Variants in KCNMB2 observed in about 807,000 individuals in gnomAD.
The protein encoded by KCNMB2 is potassium calcium-activated channel subfamily M regulatory beta subunit 2.
KCNMB2 carries 9 observed loss-of-function variants against 24.5 expected under a neutral mutation model. That is an observed-to-expected ratio of 0.37 (90% CI 0.22 to 0.64). The LOEUF is 0.64. Ranked by LOEUF, KCNMB2 falls within the 30% of genes least tolerant of loss-of-function variation. The probability of loss-of-function intolerance (pLI) is 0.63; values close to 1 mark genes in which losing one functional copy is unlikely to be tolerated. For missense variants in KCNMB2, 226 were observed against 284.3 expected, an observed-to-expected ratio of 0.79 and a Z score of 1.47; for synonymous variants, 109 against 104.4, an observed-to-expected ratio of 1.04 and a Z score of -0.27.
chr3:178,758,221 T>A (rs1724264620), intron 1 of KCNMB2, among the ~76,000 whole-genome samples: 1 of 57,542 alleles, frequency 1.7e-5, no homozygotes, highest in South Asian at 6.8e-4. Context: ...AGGGGATATA[T>A]ATATATATAT....
intron 1 of KCNMB2, among the ~76,000 whole-genome samples, chr3:178,695,051 C>T (rs1427010564): frequency 6.6e-6 from 1 of 152,256 alleles, no homozygotes; most frequent in Non-Finnish European, 1.5e-5. Flanking sequence ...CATTTCTATA[C>T]GTCCTCTGAA....
At chr3:178,614,248 TA>T (rs1718602755) in intron 1 of KCNMB2, among the ~76,000 whole-genome samples, 37 of 3,118 alleles carry the variant, frequency 0.012, 1 homozygote, top group Middle Eastern at 0.2. Flanking sequence ...GGGCTAATTT[TA>T]TATATATATA....
At chr3:178,723,568 A>T (rs1362351928) in intron 1 of KCNMB2, among the ~76,000 whole-genome samples, 2 of 152,038 alleles carry the variant, frequency 1.3e-5, no homozygotes, top group Non-Finnish European at 1.5e-5. Flanking sequence ...GAAGTTGGGG[A>T]TTCTAAGGAT....
chr3:178,696,855 C>CCAAACTACTTAA (rs1172473068), intron 1 of KCNMB2, among the ~76,000 whole-genome samples: 2 of 151,906 alleles, frequency 1.3e-5, no homozygotes, highest in African/African-American at 2.4e-5. Context: ...ATTACTTTTA[C>CCAAACTACTTAA]CAAATAGTAA....
At position 178,672,300 on chromosome 3, in the gene KCNMB2, C is replaced by A. The variant is rs574169548; in HGVS notation, c.-67-135043C>A. 2.0e-5 allele frequency among the ~76,000 whole-genome samples: 3 copies of A among 152,262 alleles called. No individual in the cohort carries two copies. The South Asian group carries it at 6.2e-4, about 32-fold the overall frequency. ...TGCAGGAGGTAGTAGGGGGTAATGT[C>A]CCCATCTTACAGACAAGGAAATGGC... On this transcript the variant is annotated intron_variant, in intron 1 of 4. Transcript: ENST00000452583.
chr3:178,556,705 G>A (rs895546687), intron 1 of KCNMB2, among the ~76,000 whole-genome samples: 17 of 152,042 alleles, frequency 1.1e-4, no homozygotes, highest in Non-Finnish European at 1.9e-4. Context: ...TCGCCCTGCC[G>A]ACACATACTT....
At chr3:178,621,758 A>C (rs946915812) in intron 1 of KCNMB2, among the ~76,000 whole-genome samples, 5 of 152,368 alleles carry the variant, frequency 3.3e-5, no homozygotes, top group African/African-American at 1.2e-4. Context: ...AAAAAAACAC[A>C]TAAGTAGACA....
chr3:178,688,836 G>A, intron 1 of KCNMB2, among the ~76,000 whole-genome samples: 1 of 152,194 alleles, frequency 6.6e-6, no homozygotes, highest in Middle Eastern at 3.4e-3. Flanking sequence ...CTTAACTAAA[G>A]GTGGTAAACG....
Position 178,539,565 on chromosome 3 carries a change from T to C in KCNMB2, c.-68+2854T>C, listed in dbSNP as rs553537456. ...GTCTTCACCTCAAATTCCAAAGTCATTTGCTTGTCTAAGCACAACTGATTA... is the reference window on the plus strand; with the variant it reads ...GTCTTCACCTCAAATTCCAAAGTCACTTGCTTGTCTAAGCACAACTGATTA... On this transcript the variant is annotated intron_variant, in intron 1 of 4. Coordinates refer to ENST00000452583, the MANE Select transcript of KCNMB2 (RefSeq NM_181361.3). 3.3e-5 allele frequency among the ~76,000 whole-genome samples: 5 copies of C among 152,284 alleles called. No homozygotes were observed. In the South Asian group the frequency reaches 1.0e-3, roughly 32 times the overall value.
At chr3:178,794,972 C>T (rs1218303364) in intron 1 of KCNMB2, among the ~76,000 whole-genome samples, 2 of 152,092 alleles carry the variant, frequency 1.3e-5, no homozygotes, top group Non-Finnish European at 2.9e-5. Context: ...GTGTAAAAAA[C>T]AGTTGCAAAA....
At chr3:178,644,874 A>C (rs1719861811) in intron 1 of KCNMB2, among the ~76,000 whole-genome samples, 3 of 152,148 alleles carry the variant, frequency 2.0e-5, no homozygotes, top group African/African-American at 7.2e-5. Flanking sequence ...CCTATAAAAT[A>C]GGGATAAGAA....
intron 1 of KCNMB2, among the ~76,000 whole-genome samples, chr3:178,755,503 C>T (rs554576811): frequency 1.3e-5 from 2 of 152,166 alleles, no homozygotes; most frequent in South Asian, 2.1e-4. Context: ...TACTTTTAAC[C>T]TCTGTGGGAC....
At chr3:178,591,932 CT>C (rs1717689915) in intron 1 of KCNMB2, among the ~76,000 whole-genome samples, 1 of 152,016 alleles carries the variant, frequency 6.6e-6, no homozygotes, top group Non-Finnish European at 1.5e-5. Context: ...CTATATAAAA[CT>C]TTGTTTGAAA....
chr3:178,586,538 C>CGTTTTTT (rs1313147122), intron 1 of KCNMB2, among the ~76,000 whole-genome samples: 1 of 68,502 alleles, frequency 1.5e-5, no homozygotes, highest in African/African-American at 5.7e-5. Flanking sequence ...TTTTTTCTTT[C>CGTTTTTT]TTTTTTTTTT....
intron 1 of KCNMB2, among the ~76,000 whole-genome samples, chr3:178,726,301 T>G (rs1315071867): frequency 1.3e-5 from 2 of 151,968 alleles, no homozygotes. Context: ...AACTTCTACT[T>G]TCAACCATCA....
intron 1 of KCNMB2, among the ~76,000 whole-genome samples, chr3:178,692,783 A>C (rs1721729204): frequency 6.6e-6 from 1 of 152,192 alleles, no homozygotes; most frequent in African/African-American, 2.4e-5. Flanking sequence ...TAGTTATATG[A>C]AGAATCTCAA....
rs529541042 is a variant in KCNMB2 at position 178,696,246 on chromosome 3, T to C, written c.-67-111097T>C. Among the ~76,000 whole-genome samples the C allele has an allele frequency of 2.1e-4, 32 of 152,330 alleles. No individual in the cohort carries two copies. The South Asian group carries it at 6.4e-3, about 31-fold the overall frequency. On this transcript the variant is annotated intron_variant, in intron 1 of 4. Transcript: ENST00000452583. ...TCCTTATGATTTAATTATCTCCACCTGGCCCCTCCCATGACCTGTGGGGAT... is the reference window on the plus strand; with the variant it reads ...TCCTTATGATTTAATTATCTCCACCCGGCCCCTCCCATGACCTGTGGGGAT...
chr3:178,616,086 C>A (rs1718694714), intron 1 of KCNMB2, among the ~76,000 whole-genome samples: 1 of 151,952 alleles, frequency 6.6e-6, no homozygotes, highest in Non-Finnish European at 1.5e-5. Flanking sequence ...TCTCCACAAG[C>A]AGAAAGAAGG....
intron 1 of KCNMB2, among the ~76,000 whole-genome samples, chr3:178,674,274 A>G (rs1376057909): frequency 6.6e-6 from 1 of 151,886 alleles, no homozygotes; most frequent in Non-Finnish European, 1.5e-5. Context: ...ACAACTTTTT[A>G]TATTTCTACT....
Sources: gnomAD v4.1 joint callset for allele counts (sites outside exome capture counted in the v4.1 genomes callset) on GRCh38, gnomAD v4.1.1 for gene constraint, MANE v1.5 for transcripts, NCBI Gene and HGNC (gene_info 2026-07-23, HGNC 2026-07-21) for gene names.